CMTR1: variants seen among roughly 807,000 people sequenced by gnomAD.
The protein encoded by CMTR1 is cap methyltransferase 1.
CMTR1 carries 39 observed loss-of-function variants against 107.0 expected under a neutral mutation model. The ratio of observed to expected loss-of-function variants is 0.36; its 90% CI spans 0.28 to 0.48. The LOEUF (loss-of-function observed/expected upper bound fraction) is 0.48. Among genes scored for constraint, CMTR1 ranks in the 20% least tolerant of loss-of-function variants. CMTR1 has a pLI of 0.99. For missense variants in CMTR1, 672 were observed against 1,064.9 expected (o/e 0.63, Z 5.14); for synonymous variants, 366 against 379.5 (o/e 0.96, Z 0.41).
chr6:37,441,761 C>T (rs1771682275), intron 2 of CMTR1, among the ~76,000 whole-genome samples: 1 of 152,132 alleles, frequency 6.6e-6, no homozygotes, highest in Admixed American at 6.5e-5. Flanking sequence ...GCAGAAAATG[C>T]AGGAAAATGC....
chr6:37,437,788 G>T (rs992218064), intron 2 of CMTR1, among the ~76,000 whole-genome samples: 8 of 152,160 alleles, frequency 5.3e-5, no homozygotes, highest in African/African-American at 1.9e-4. Context: ...CCTTGGGTAG[G>T]GGTATTGGGA....
intron 1 of CMTR1, among the ~76,000 whole-genome samples, chr6:37,434,389 C>A (rs1171084695): frequency 6.6e-6 from 1 of 152,104 alleles, no homozygotes; most frequent in Admixed American, 6.6e-5. Context: ...AGGATTGTTT[C>A]CCAGCTTGTC....
At chr6:37,434,591 A>T (rs1028846762) in intron 1 of CMTR1, among the ~76,000 whole-genome samples, 1 of 151,912 alleles carries the variant, frequency 6.6e-6, no homozygotes, top group Admixed American at 6.6e-5. Context: ...AACCATGGGG[A>T]TGGATGATTG....
At chr6:37,446,211 C>T (rs1771791057) in intron 3 of CMTR1, 80 bp from the exon 4 acceptor site, 12 of 1,436,330 alleles carry the variant, frequency 8.4e-6, no homozygotes, top group Non-Finnish European at 9.6e-6. Flanking sequence ...TAGGATTTAG[C>T]ACACTGTTTG....
intron 16 of CMTR1, among the ~76,000 whole-genome samples, chr6:37,473,106 A>G (rs1045535632): frequency 6.6e-6 from 1 of 152,188 alleles, no homozygotes; most frequent in South Asian, 2.1e-4. Flanking sequence ...AATGGGGTAA[A>G]GAGATCACTA....
the CMTR1 span, among the ~76,000 whole-genome samples, chr6:37,424,338 G>A: frequency 6.6e-6 from 1 of 151,520 alleles, no homozygotes; most frequent in African/African-American, 2.4e-5. Context: ...CGCCTCCTGG[G>A]TTCATGACAT....
rs1205203664 is a variant in CMTR1, at chr6:37,480,093, A to G, written c.2456A>G (p.Asp819Gly). ...GACTCCCAGAAGCCCCAGGACCAGG[A>G]CAAGCTGTCCAAGGAGGACGTCCTC... is the stretch of plus-strand genomic sequence containing the variant. ...VHDSQKPQDQ[D>G]KLSKEDVLSF... The change falls in exon 24 of 24, where the codon GAC (aspartate) becomes GGC (glycine). Residue 819 changes from aspartate (D) to glycine (G), a missense_variant. By Grantham distance (94) the Asp-to-Gly change is moderately conservative. Around this residue, in one of 2 missense-constraint regions of CMTR1, gnomAD observed 583 missense variants for 968.4 expected, o/e 0.60. Coordinates refer to ENST00000373451, the MANE Select transcript of CMTR1 (RefSeq NM_015050.3). 6.3e-7 allele frequency: 1 copy of G among 1,595,334 alleles called. No individual in the cohort carries two copies. The highest frequency in any genetic ancestry group is 8.5e-7 in the Non-Finnish European group (1 of 1,172,396).
In CMTR1 at chr6:37,458,850, A is replaced by G; in HGVS notation, c.976+40A>G. On this transcript the variant is annotated intron_variant, in intron 9 of 23. Coordinates refer to ENST00000373451, the MANE Select transcript of CMTR1 (RefSeq NM_015050.3). This position sits in a 1 kb window ranked among gnomAD's most constrained non-coding sequence, Gnocchi z 4.7. ...GAGGGTACTAGGAGGTATGAGGGAC[A>G]GCCCCTCTATGGGGACTTCAGGTCA... is the stretch of plus-strand genomic sequence containing the variant. 1 of 1,591,546 alleles carries G rather than the reference A, an allele frequency of 6.3e-7. No individual in the cohort carries two copies.
In CMTR1 at chr6:37,481,168, C is replaced by T. The variant is rs778710428; in HGVS notation, c.*1023C>T. 13 of 1,302,310 alleles carry T rather than the reference C, an allele frequency of 1.0e-5. No homozygotes were observed. Among genetic ancestry groups the T allele is most frequent in the African/African-American group, 1.5e-5 (1 of 65,328 alleles). The allele number at this position is 1,302,310 out of a possible 1,614,324, so 80.7% of individuals were successfully genotyped here. A position where few individuals can be genotyped will look rare whatever the true frequency, so the allele number is the denominator to read the frequency against. ...GTCGTTAAGTGGTCACTCCCATTTC[C>T]TTTATCTTGGCCGACAACACAGAGA... is the stretch of plus-strand genomic sequence containing the variant. On this transcript the variant is annotated 3_prime_UTR_variant, in exon 24 of 24. Transcript: ENST00000373451.
At position 37,461,899 on chromosome 6, in the gene CMTR1, T is replaced by C. The variant is rs1761409057; in HGVS notation, c.1193-71T>C. On this transcript the variant is annotated intron_variant, in intron 11 of 23. Coordinates refer to ENST00000373451, the MANE Select transcript of CMTR1 (RefSeq NM_015050.3). ...GTTTCCTTGACTTTGTCATATTTAC[T>C]CCCAAGACTACTTCACCCATCTCTT... The C allele has an allele frequency of 1.9e-6, 3 of 1,543,766 alleles. No homozygotes were observed. In the Admixed American group the frequency reaches 5.1e-5, roughly 26 times the overall value.
At chr6:37,428,004 GAGAC>G in the CMTR1 span, among the ~76,000 whole-genome samples, 968 of 124,186 alleles carry the variant, frequency 7.8e-3, 6 homozygotes, top group African/African-American at 0.032. Flanking sequence ...CTAAGCAACA[GAGAC>G]AGAGAGAGAG....
chr6:37,429,119 T>C (rs1283521285), upstream of CMTR1, among the ~76,000 whole-genome samples: 1 of 152,182 alleles, frequency 6.6e-6, no homozygotes, highest in Non-Finnish European at 1.5e-5. Flanking sequence ...TTTTTCACGT[T>C]TGATACTTTT....
At position 37,481,337 on chromosome 6, in the gene CMTR1, AGGCTCCC is replaced by A. The variant is rs1761853493; in HGVS notation, c.*1194_*1200del. 8.3e-7 allele frequency: 1 copy of A among 1,198,368 alleles called. No homozygotes were observed. The highest frequency in any genetic ancestry group is 1.6e-5 in the African/African-American group (1 of 62,762). The allele number at this position is 1,198,368 out of a possible 1,614,324, so 74.2% of individuals were successfully genotyped here. A position where few individuals can be genotyped will look rare whatever the true frequency, so the allele number is the denominator to read the frequency against. On this transcript the variant is annotated 3_prime_UTR_variant, in exon 24 of 24. Coordinates refer to ENST00000373451, the MANE Select transcript of CMTR1 (RefSeq NM_015050.3). ...TGGTTTCCATGGAGATAGGGCACTG[AGGCTCCC>A]GTGAGGTTGGAATCGACTTCACCAT...
chr6:37,444,225 A>G, intron 3 of CMTR1, 75 bp downstream of exon 3: 1 of 1,543,806 alleles, frequency 6.5e-7, no homozygotes, highest in Non-Finnish European at 8.7e-7. Context: ...ATTTGTATGA[A>G]AAGAAGAAAA....
At chr6:37,467,115 C>T (rs867531815) in intron 13 of CMTR1, among the ~76,000 whole-genome samples, 6 of 152,138 alleles carry the variant, frequency 3.9e-5, no homozygotes, top group African/African-American at 1.4e-4. Context: ...TGCAGTGAGC[C>T]AAGATCGCAC....
chr6:37,448,144 G>A (rs1383322008), intron 4 of CMTR1, among the ~76,000 whole-genome samples: 1 of 149,378 alleles, frequency 6.7e-6, no homozygotes, highest in African/African-American at 2.5e-5. Context: ...CTGGGAGGCG[G>A]AGCTTGCAGT....
intron 19 of CMTR1, chr6:37,475,851 G>A (rs183566201): frequency 2.7e-5 from 14 of 515,446 alleles, no homozygotes; most frequent in Non-Finnish European, 2.5e-5. Context: ...TGAAGTTCTA[G>A]TGGAGGTGAC....
rs1761433631 is a variant in CMTR1, at chr6:37,462,993, T to TA, written c.1491dup (p.Arg498ThrfsTer4). 6.2e-7 allele frequency: 1 copy of TA among 1,614,100 alleles called. No individual in the cohort carries two copies. The highest frequency in any genetic ancestry group is 1.3e-5 in the African/African-American group (1 of 75,032). On this transcript the variant is annotated frameshift_variant, in exon 13 of 24. Transcript: ENST00000373451. LOFTEE classifies it high-confidence loss of function. The stretch of plus-strand genomic sequence containing the variant: ...GACCATGAATTTACTGACTACATGA[T>TA]ACGGTCCAATGAGAGGTAAGCCAAC...
At chr6:37,471,300 A>G (rs1761618688) in intron 14 of CMTR1, among the ~76,000 whole-genome samples, 1 of 152,202 alleles carries the variant, frequency 6.6e-6, no homozygotes, top group African/African-American at 2.4e-5. Context: ...AACCCAGGAA[A>G]AGGATACAGG....
Sources: gnomAD v4.1 joint callset for allele counts (sites outside exome capture counted in the v4.1 genomes callset) on GRCh38, gnomAD v4.1.1 for gene constraint, gnomAD v4.1.1 regional missense constraint, Gnocchi (gnomAD v3.1) non-coding constraint, MANE v1.5 for transcripts, NCBI Gene and HGNC (gene_info 2026-07-23, HGNC 2026-07-21) for gene names.